EGFR: variants seen among roughly 807,000 people sequenced by gnomAD.
EGFR encodes epidermal growth factor receptor, also known as avian erythroblastic leukemia viral (v-erb-b) oncogene homolog.
EGFR carries 58 observed loss-of-function variants against 143.0 expected under a neutral mutation model. The observed-to-expected ratio is 0.41, with a 90% CI of 0.33 to 0.50. The LOEUF (loss-of-function observed/expected upper bound fraction) is 0.50, where lower values mean the gene tolerates loss of function less well. Among genes scored for constraint, EGFR ranks in the 20% least tolerant of loss-of-function variants. The probability of loss-of-function intolerance (pLI) is 0.39; values close to 1 mark genes in which losing one functional copy is unlikely to be tolerated. For synonymous variants in EGFR, 613 were observed against 594.4 expected, an observed-to-expected ratio of 1.03 and a Z score of -0.45; for missense variants, 1,307 against 1,579.0, an observed-to-expected ratio of 0.83 and a Z score of 2.92.
intron 1 of EGFR, among the ~76,000 whole-genome samples, chr7:55,132,770 T>A (rs151170616): frequency 1.3e-5 from 2 of 152,348 alleles, no homozygotes; most frequent in South Asian, 4.1e-4. Flanking sequence ...GACTCACATA[T>A]TCCTTCAGGG....
At chr7:55,198,027 G>A (rs370158589) in intron 22 of EGFR, among the ~76,000 whole-genome samples, 4 of 152,158 alleles carry the variant, frequency 2.6e-5, no homozygotes, top group African/African-American at 4.8e-5. Flanking sequence ...ATGAGTTAAG[G>A]AAGAGTCCCT....
intron 20 of EGFR, among the ~76,000 whole-genome samples, chr7:55,183,499 A>G (rs1232289579): frequency 6.6e-6 from 1 of 152,204 alleles, no homozygotes; most frequent in African/African-American, 2.4e-5. Flanking sequence ...AGTTTTGGGT[A>G]GACGTGAAAT....
intron 1 of EGFR, among the ~76,000 whole-genome samples, chr7:55,035,107 G>A (rs182421331): frequency 9.7e-4 from 147 of 152,198 alleles, no homozygotes; most frequent in African/African-American, 3.4e-3. Flanking sequence ...AGACTTGGGA[G>A]GCAAAACCTT....
intron 1 of EGFR, among the ~76,000 whole-genome samples, chr7:55,069,219 C>T (rs1789686238): frequency 1.3e-5 from 2 of 152,136 alleles, no homozygotes; most frequent in Admixed American, 6.5e-5. Flanking sequence ...AATTCATTCT[C>T]CTGAAACTGC....
At chr7:55,155,290 A>G (rs188352006) in intron 7 of EGFR, among the ~76,000 whole-genome samples, 2 of 152,286 alleles carry the variant, frequency 1.3e-5, no homozygotes, top group East Asian at 3.9e-4. Context: ...AAAAATACAA[A>G]AATTAGCCGG....
intron 1 of EGFR, among the ~76,000 whole-genome samples, chr7:55,122,353 T>TA (rs1462059822): frequency 6.6e-6 from 1 of 152,182 alleles, no homozygotes; most frequent in Non-Finnish European, 1.5e-5. Flanking sequence ...ACTCCCCTCT[T>TA]ACTGCCCAAC....
intron 20 of EGFR, among the ~76,000 whole-genome samples, chr7:55,184,849 A>G (rs1861003): frequency 0.58 from 88,110 of 152,092 alleles, 26,211 homozygotes; most frequent in Middle Eastern, 0.69. Context: ...AAATTGTGAC[A>G]ATAGAAATTT....
chr7:55,125,988 C>A lies in EGFR; in HGVS notation c.89-16298C>A, dbSNP rs577981368. Among the ~76,000 whole-genome samples, 10 of 152,324 alleles carry A rather than the reference C, an allele frequency of 6.6e-5. No homozygotes were observed. The South Asian group carries it at 1.9e-3, about 28-fold the overall frequency. ...CACTCTCAGCTTCATCTCTGCTAGG[C>A]TCTGTTCAGCCAGGCAGCCTTTCAC... On this transcript the variant is annotated intron_variant, in intron 1 of 27. Coordinates refer to ENST00000275493, the MANE Select transcript of EGFR (RefSeq NM_005228.5).
In EGFR at chr7:55,146,586, G is replaced by A. The variant is rs756411809; in HGVS notation, c.425-20G>A. The A allele has an allele frequency of 5.0e-6, 8 of 1,613,662 alleles. No individual in the cohort carries two copies. The South Asian group carries it at 5.5e-5, about 11-fold the overall frequency. On this transcript the variant is annotated intron_variant, in intron 3 of 27. Transcript: ENST00000275493. ...AAAGGAGCTGGAAAGAGTGCTCACC[G>A]CAGTTCCATTCTCCCGCAGAAATCC...
chr7:55,057,759 A>C (rs1357435169), intron 1 of EGFR, among the ~76,000 whole-genome samples: 1 of 152,184 alleles, frequency 6.6e-6, no homozygotes, highest in Admixed American at 6.5e-5. Context: ...ACATTCTGAC[A>C]GCTCATTATC....
At chr7:55,132,256 C>A (rs866982637) in intron 1 of EGFR, among the ~76,000 whole-genome samples, 1 of 152,212 alleles carries the variant, frequency 6.6e-6, no homozygotes, top group Non-Finnish European at 1.5e-5. Flanking sequence ...AACAAAATCT[C>A]TCTGCAGATA....
chr7:55,170,965 G>A, intron 15 of EGFR: 8 of 1,446,254 alleles, frequency 5.5e-6, no homozygotes, highest in Non-Finnish European at 7.2e-6. Flanking sequence ...TCACAGAGTA[G>A]AAACTCAAAA....
intron 1 of EGFR, among the ~76,000 whole-genome samples, chr7:55,081,297 C>T (rs1242391356): frequency 5.9e-5 from 9 of 152,110 alleles, no homozygotes; most frequent in Non-Finnish European, 8.8e-5. Context: ...GGCCACACAC[C>T]GTAACGGAGA....
At chr7:55,133,243 A>G (rs893200781) in intron 1 of EGFR, among the ~76,000 whole-genome samples, 2 of 152,162 alleles carry the variant, frequency 1.3e-5, no homozygotes, top group Admixed American at 1.3e-4. Flanking sequence ...GAAGAGTTGC[A>G]CCCTGGCAGG....
Position 55,078,226 on chromosome 7 carries a change from A to G in EGFR, c.88+58861A>G, listed in dbSNP as rs901758258. 3.3e-5 allele frequency among the ~76,000 whole-genome samples: 5 copies of G among 151,982 alleles called. 1 individual carries two copies. Among genetic ancestry groups the G allele is most frequent in the Non-Finnish European group, 1.5e-5 (1 of 67,940 alleles). Reference sequence around the variant, plus strand: ...GGAGGGGATGAGGACCACCCTGTCCATGGGACAGGCCCTGGGCCCCGCACA... The same window carrying G: ...GGAGGGGATGAGGACCACCCTGTCCGTGGGACAGGCCCTGGGCCCCGCACA... On this transcript the variant is annotated intron_variant, in intron 1 of 27. Coordinates refer to ENST00000275493, the MANE Select transcript of EGFR (RefSeq NM_005228.5).
At chr7:55,159,099 C>T (rs1350810460) in intron 11 of EGFR, among the ~76,000 whole-genome samples, 1 of 152,178 alleles carries the variant, frequency 6.6e-6, no homozygotes, top group Non-Finnish European at 1.5e-5. Context: ...AGCTCCTCCA[C>T]AAGGTGCACT....
intron 20 of EGFR, among the ~76,000 whole-genome samples, chr7:55,183,064 G>C (rs116923692): frequency 1.9e-4 from 29 of 152,282 alleles, no homozygotes; most frequent in Admixed American, 4.6e-4. Flanking sequence ...GTTCTGAGGA[G>C]GATCCTTCCT....
rs41362846 is a variant in EGFR, at chr7:55,152,019, C to T, written c.629-527C>T. 3.7e-3 allele frequency among the ~76,000 whole-genome samples: 561 copies of T among 152,350 alleles called. 9 individuals are homozygous for T. The highest frequency in any genetic ancestry group is 0.012 in the African/African-American group (517 of 41,576). ...CAGACTTCTTGTTTCCTCTCCCTCC[C>T]TGGCTTTCTTTGGTACCCACCTACA... On this transcript the variant is annotated intron_variant, in intron 5 of 27. Coordinates refer to ENST00000275493, the MANE Select transcript of EGFR (RefSeq NM_005228.5).
chr7:55,058,846 A>G lies in EGFR; in HGVS notation c.88+39481A>G, dbSNP rs540046410. On this transcript the variant is annotated intron_variant, in intron 1 of 27. Transcript: ENST00000275493. ...ACCCCTGAACTTAAAAAAATTTTTA[A>G]AAAGATGCTATGCAATAAAATTCTC... Among the ~76,000 whole-genome samples the G allele has an allele frequency of 2.6e-4, 39 of 152,360 alleles. 2 individuals are homozygous for G. In the South Asian group the frequency reaches 8.1e-3, roughly 32 times the overall value.
Sources: allele counts gnomAD v4.1 joint callset (sites outside exome capture counted in the v4.1 genomes callset), GRCh38; gene constraint gnomAD v4.1.1; transcripts MANE v1.5; gene names NCBI Gene and HGNC (gene_info 2026-07-23, HGNC 2026-07-21).